The following GSE1 variants were observed in gnomAD, a reference collection of about 807,000 sequenced individuals.
The protein encoded by GSE1 is genetic suppressor element 1.
GSE1 carries 32 observed loss-of-function variants against 112.6 expected under a neutral mutation model. The observed-to-expected ratio is 0.28, with a 90% CI of 0.21 to 0.38. The LOEUF is 0.38. GSE1 is among the 10% of genes least tolerant of loss of function. GSE1 has a pLI of 1.00. For missense variants in GSE1, 2,348 were observed against 1,699.2 expected, an observed-to-expected ratio of 1.38 and a Z score of -6.71; for synonymous variants, 1,115 against 735.6, an observed-to-expected ratio of 1.52 and a Z score of -8.35.
exon 2 of GSE1, chr16:85,357,597 T>C: frequency 7.8e-7 from 1 of 1,288,970 alleles, no homozygotes; most frequent in Non-Finnish European, 1.0e-6. Flanking sequence ...CAGCACAGTG[T>C]CTGCAGAGCA....
intron 2 of GSE1, among the ~76,000 whole-genome samples, chr16:85,386,281 C>T (rs1225918047): frequency 6.6e-6 from 1 of 152,334 alleles, no homozygotes; most frequent in Middle Eastern, 3.4e-3. Context: ...TGCCTGACAC[C>T]AGGATGGACG....
chr16:85,625,772 C>G lies in GSE1; in HGVS notation c.8-8142C>G, dbSNP rs1034971130. Among the ~76,000 whole-genome samples the G allele has an allele frequency of 2.6e-5, 4 of 152,284 alleles. No homozygotes were observed. The South Asian group carries it at 8.3e-4, about 32-fold the overall frequency. On this transcript the variant is annotated intron_variant, in intron 1 of 15. Coordinates refer to ENST00000253458, the MANE Select transcript of GSE1 (RefSeq NM_014615.5). ...GGGTTCAGGGTGGCTGCTGGGGGCC[C>G]TAGGCATTGCTTGGGAGATGGCTCA...
chr16:85,595,734 A>G lies in GSE1; in HGVS notation c.37+39371A>G, dbSNP rs553970059. Reference sequence around the variant, plus strand: ...CATTCATGCACCTATTCCTCTCTCTATCCCCACACCCAGCCATTCACTCAT... The same window carrying G: ...CATTCATGCACCTATTCCTCTCTCTGTCCCCACACCCAGCCATTCACTCAT... On this transcript the variant is annotated intron_variant, in intron 1 of 2. Transcript: ENST00000635906. The G allele has an allele frequency of 2.1e-5, 3 of 146,216 alleles. 1 individual carries two copies. Among genetic ancestry groups the G allele is most frequent in the South Asian group, 4.4e-4 (2 of 4,568 alleles). 9.1% of individuals were successfully genotyped at this position (146,216 alleles called of 1,614,324 possible). A position where few individuals can be genotyped will look rare whatever the true frequency, so the allele number is the denominator to read the frequency against.
intron 1 of GSE1, among the ~76,000 whole-genome samples, chr16:85,263,914 C>T (rs561021741): frequency 1.1e-4 from 17 of 152,258 alleles, no homozygotes; most frequent in East Asian, 3.9e-4. Flanking sequence ...TCTCCTCTGC[C>T]GTCCTGGCCT....
intron 2 of GSE1, among the ~76,000 whole-genome samples, chr16:85,502,990 G>T (rs2051421977): frequency 6.6e-6 from 1 of 152,200 alleles, no homozygotes; most frequent in African/African-American, 2.4e-5. Flanking sequence ...AGGGCGATGA[G>T]GGTAAGAAGG....
intron 1 of GSE1, among the ~76,000 whole-genome samples, chr16:85,601,106 GC>G (rs777729336): frequency 5.5e-4 from 83 of 152,060 alleles, no homozygotes; most frequent in Non-Finnish European, 1.1e-3. Context: ...AGGAGATGGG[GC>G]TCTGCTGGGG....
intron 1 of GSE1, among the ~76,000 whole-genome samples, chr16:85,218,595 T>G (rs1049128854): frequency 6.6e-6 from 1 of 152,204 alleles, no homozygotes; most frequent in African/African-American, 2.4e-5. Context: ...CCTCCCAAAC[T>G]GCTTTCTGCC....
intron 2 of GSE1, among the ~76,000 whole-genome samples, chr16:85,385,425 C>T (rs1364642260): frequency 1.3e-5 from 2 of 152,324 alleles, no homozygotes; most frequent in East Asian, 3.9e-4. Context: ...TGGACAGAGA[C>T]TCAAAGCCAC....
chr16:85,584,719 G>C (rs1207566655), intron 1 of GSE1, among the ~76,000 whole-genome samples: 1 of 152,242 alleles, frequency 6.6e-6, no homozygotes, highest in Non-Finnish European at 1.5e-5. Context: ...TCATTGGGCT[G>C]AACGATAAAA....
chr16:85,234,757 C>T (rs1424508765), intron 1 of GSE1, among the ~76,000 whole-genome samples: 2 of 152,170 alleles, frequency 1.3e-5, no homozygotes, highest in African/African-American at 4.8e-5. Context: ...GGCTCCGCCC[C>T]CGCAGCAGCA....
chr16:85,584,848 C>A lies in GSE1; in HGVS notation c.37+28485C>A, dbSNP rs183753385. 7.2e-5 allele frequency among the ~76,000 whole-genome samples: 11 copies of A among 152,080 alleles called. No homozygotes were observed. The East Asian group carries it at 1.4e-3, about 19-fold the overall frequency. ...GGGGTGGCTCTGCAGGATGGAAACG[C>A]GTGCCAAGGTGGAGGCTGCCAAGAC... On this transcript the variant is annotated intron_variant, in intron 1 of 2. Transcript: ENST00000635906.
chr16:85,279,289 CA>C (rs1175206399), intron 1 of GSE1, among the ~76,000 whole-genome samples: 1 of 152,208 alleles, frequency 6.6e-6, no homozygotes, highest in East Asian at 1.9e-4. Context: ...TTCTACCATG[CA>C]AGCCCGCTAC....
chr16:85,413,701 A>G (rs769824254), intron 2 of GSE1, among the ~76,000 whole-genome samples: 1 of 152,174 alleles, frequency 6.6e-6, no homozygotes, highest in Non-Finnish European at 1.5e-5. Flanking sequence ...GGAATTTAAC[A>G]TAGAGAATCC....
At position 85,500,077 on chromosome 16, in the gene GSE1, A is replaced by G. The variant is rs145184760; in HGVS notation, c.2465-133837A>G. ...ATGAGACCACCCTAAACACCCCACC[A>G]CGGAGCAGTGGTGTTAGTACTGTGG... is the stretch of plus-strand genomic sequence containing the variant. On this transcript the variant is annotated intron_variant, in intron 2 of 2. Coordinates refer to the GSE1 transcript ENST00000637419. Among the ~76,000 whole-genome samples, 512 of 152,310 alleles carry G rather than the reference A, an allele frequency of 3.4e-3. 3 individuals are homozygous for G. The highest frequency in any genetic ancestry group is 0.011 in the African/African-American group (474 of 41,578).
chr16:85,555,617 A>T (rs1018464025), upstream of GSE1: 43 of 920,242 alleles, frequency 4.7e-5, no homozygotes, highest in African/African-American at 9.4e-4. Flanking sequence ...CCCAGTAGCT[A>T]AGGGGAAACA....
At chr16:85,344,934 T>C (rs1310975351) in intron 1 of GSE1, among the ~76,000 whole-genome samples, 1 of 152,214 alleles carries the variant, frequency 6.6e-6, no homozygotes, top group Non-Finnish European at 1.5e-5. Flanking sequence ...TGTAGCCAGC[T>C]CTGCTCTGCC....
chr16:85,402,265 C>T (rs928007666), intron 2 of GSE1, among the ~76,000 whole-genome samples: 6 of 152,128 alleles, frequency 3.9e-5, no homozygotes, highest in African/African-American at 1.4e-4. Flanking sequence ...ACCGGGCCAC[C>T]GTGTTTTCCA....
chr16:85,665,280 C>T lies in GSE1; in HGVS notation c.2758+152C>T. 12 of 604,216 alleles carry T rather than the reference C, an allele frequency of 2.0e-5. No homozygotes were observed. In the South Asian group the frequency reaches 2.4e-4, roughly 12 times the overall value. The allele number at this position is 604,216 out of a possible 1,614,324, so 37.4% of individuals were successfully genotyped here. A position where few individuals can be genotyped will look rare whatever the true frequency, so the allele number is the denominator to read the frequency against. The stretch of plus-strand genomic sequence containing the variant: ...CTTGTACCAGCGTACGATTCTTGCA[C>T]AGTTGTGACAGTCATTGGGACGGAA... On this transcript the variant is annotated intron_variant, in intron 12 of 15. Coordinates refer to ENST00000253458, the MANE Select transcript of GSE1 (RefSeq NM_014615.5).
At chr16:85,320,157 G>A (rs1443839474) in intron 1 of GSE1, among the ~76,000 whole-genome samples, 2 of 152,236 alleles carry the variant, frequency 1.3e-5, no homozygotes, top group Non-Finnish European at 2.9e-5. Context: ...GCCGTTCTTG[G>A]GGCCAAGGGC....
Sources: gnomAD v4.1 joint callset for allele counts (sites outside exome capture counted in the v4.1 genomes callset) on GRCh38, gnomAD v4.1.1 for gene constraint, MANE v1.5 for transcripts, NCBI Gene and HGNC (gene_info 2026-07-23, HGNC 2026-07-21) for gene names.